The following MOB3B variants were observed in gnomAD, a reference collection of about 807,000 sequenced individuals.
MOB3B encodes MOB kinase activator-like 2B.
Under a neutral mutation model 18.7 loss-of-function variants are expected in MOB3B, and 7 were observed. The ratio of observed to expected loss-of-function variants is 0.37; its 90% confidence interval spans 0.21 to 0.70. The LOEUF (loss-of-function observed/expected upper bound fraction) is 0.70, where lower values mean the gene tolerates loss of function less well. Among genes scored for constraint, MOB3B ranks in the 30% least tolerant of loss-of-function variants. The pLI, the probability that MOB3B is intolerant of heterozygous loss-of-function variation, is 0.52. For missense variants in MOB3B, 253 were observed against 281.3 expected (o/e 0.90, Z 0.72); for synonymous variants, 111 against 99.9 (o/e 1.11, Z -0.66).
At chr9:27,470,867 T>A (rs1197517668) in intron 1 of MOB3B, among the ~76,000 whole-genome samples, 1 of 152,240 alleles carries the variant, frequency 6.6e-6, no homozygotes, top group Non-Finnish European at 1.5e-5. Flanking sequence ...AGTTCTATAC[T>A]CTTCCCCCAG....
intron 3 of MOB3B, among the ~76,000 whole-genome samples, chr9:27,356,778 C>T (rs1017695802): frequency 3.3e-5 from 5 of 151,958 alleles, no homozygotes; most frequent in Non-Finnish European, 5.9e-5. Context: ...TCTTCATTTA[C>T]GTGGCCCTTG....
intron 1 of MOB3B, among the ~76,000 whole-genome samples, chr9:27,516,669 C>T (rs1188661293): frequency 2.6e-5 from 4 of 152,220 alleles, no homozygotes; most frequent in Non-Finnish European, 4.4e-5. Flanking sequence ...TGACCATCCT[C>T]TCCAGTTTCC....
intron 1 of MOB3B, among the ~76,000 whole-genome samples, chr9:27,502,522 C>T (rs1820006052): frequency 6.6e-6 from 1 of 152,230 alleles, no homozygotes; most frequent in African/African-American, 2.4e-5. Flanking sequence ...AGCACAAAAA[C>T]ACCCATCAGC....
intron 1 of MOB3B, among the ~76,000 whole-genome samples, chr9:27,465,736 G>A (rs1819374099): frequency 6.6e-6 from 1 of 152,176 alleles, no homozygotes; most frequent in Non-Finnish European, 1.5e-5. Context: ...TGACTTCTGT[G>A]CACCCACAGG....
intron 2 of MOB3B, among the ~76,000 whole-genome samples, chr9:27,432,097 C>G (rs1030953651): frequency 6.6e-6 from 1 of 152,114 alleles, no homozygotes; most frequent in Admixed American, 6.5e-5. Flanking sequence ...ACTTGCACTG[C>G]TAAATAAAAG....
At chr9:27,517,839 G>A (rs1351993655) in intron 1 of MOB3B, among the ~76,000 whole-genome samples, 2 of 151,990 alleles carry the variant, frequency 1.3e-5, no homozygotes, top group East Asian at 1.9e-4. Flanking sequence ...ACAAGTAAGT[G>A]AGTATATAAA....
intron 1 of MOB3B, among the ~76,000 whole-genome samples, chr9:27,503,454 A>T (rs1209287053): frequency 6.6e-6 from 1 of 152,238 alleles, no homozygotes; most frequent in Admixed American, 6.5e-5. Flanking sequence ...TCCAGCCCCA[A>T]CTGGCTGCTG....
intron 2 of MOB3B, among the ~76,000 whole-genome samples, chr9:27,438,067 T>C (rs532604501): frequency 5.3e-5 from 8 of 152,324 alleles, no homozygotes; most frequent in Admixed American, 3.3e-4. Context: ...CACGAAGACA[T>C]TGTGGTACGA....
intron 1 of MOB3B, among the ~76,000 whole-genome samples, chr9:27,491,513 A>C (rs74911668): frequency 0.032 from 4,845 of 152,308 alleles, 105 homozygotes; most frequent in Middle Eastern, 0.065. Flanking sequence ...CAGAGATTAA[A>C]AAAAGACATA....
intron 2 of MOB3B, among the ~76,000 whole-genome samples, chr9:27,360,944 T>C (rs953084568): frequency 1.3e-5 from 2 of 152,086 alleles, no homozygotes; most frequent in African/African-American, 4.8e-5. Context: ...GGCAGCCACA[T>C]GCAGAGTTTA....
At chr9:27,468,738 T>C (rs367726251) in intron 1 of MOB3B, among the ~76,000 whole-genome samples, 1 of 152,222 alleles carries the variant, frequency 6.6e-6, no homozygotes, top group East Asian at 1.9e-4. Flanking sequence ...ATCTAAATGA[T>C]TGTTAATCAA....
At chr9:27,403,850 G>A (rs913427955) in intron 2 of MOB3B, among the ~76,000 whole-genome samples, 18 of 152,066 alleles carry the variant, frequency 1.2e-4, no homozygotes, top group Non-Finnish European at 2.4e-4. Flanking sequence ...GTGATATTCT[G>A]ATACAAGCAT....
intron 3 of MOB3B, among the ~76,000 whole-genome samples, chr9:27,357,886 T>TAAAAAA (rs1563849117): frequency 4.0e-5 from 1 of 25,292 alleles, no homozygotes; most frequent in Non-Finnish European, 7.2e-5. Context: ...ATCCCATCGC[T>TAAAAAA]ACAAAAAAAA....
chr9:27,452,918 CA>C (rs1478775052), intron 2 of MOB3B, among the ~76,000 whole-genome samples: 1 of 152,154 alleles, frequency 6.6e-6, no homozygotes, highest in Non-Finnish European at 1.5e-5. Flanking sequence ...TACAAAACTT[CA>C]GTTAGATAGA....
intron 2 of MOB3B, among the ~76,000 whole-genome samples, chr9:27,406,842 T>A (rs1296017012): frequency 1.3e-5 from 2 of 152,072 alleles, no homozygotes; most frequent in African/African-American, 2.4e-5. Flanking sequence ...GATTTCTTTT[T>A]TTCTTTTTTT....
chr9:27,343,616 T>G lies in MOB3B; in HGVS notation c.622-13000A>C, dbSNP rs796290723. 7.9e-4 allele frequency among the ~76,000 whole-genome samples: 120 copies of G among 151,430 alleles called. 2 individuals are homozygous for G. The highest frequency in any genetic ancestry group is 2.8e-3 in the African/African-American group (117 of 41,280). Reference sequence around the variant, plus strand: ...CAATATGAATTTTACATACAGGAAATGTACTTAATAAGGCAAAAGCATTTT... The same window carrying G: ...CAATATGAATTTTACATACAGGAAAGGTACTTAATAAGGCAAAAGCATTTT... On this transcript the variant is annotated intron_variant, in intron 3 of 3. Transcript: ENST00000262244.
intron 1 of MOB3B, chr9:27,526,046 C>T (rs1234367633): frequency 6.6e-6 from 1 of 152,046 alleles, no homozygotes; most frequent in Non-Finnish European, 1.5e-5. Context: ...GAGATTGTGG[C>T]TACGCAAATG....
At chr9:27,399,876 A>C (rs1821852269) in intron 2 of MOB3B, among the ~76,000 whole-genome samples, 1 of 151,700 alleles carries the variant, frequency 6.6e-6, no homozygotes, top group Admixed American at 6.6e-5. Flanking sequence ...ATCACTACTG[A>C]CTCCATTCCT....
chr9:27,484,929 T>G (rs571090199), intron 1 of MOB3B, among the ~76,000 whole-genome samples: 5 of 152,108 alleles, frequency 3.3e-5, no homozygotes, highest in South Asian at 2.1e-4. Flanking sequence ...CAGTGACCAT[T>G]ATACCTCAGT....
Sources: allele counts gnomAD v4.1 joint callset (sites outside exome capture counted in the v4.1 genomes callset), GRCh38; gene constraint gnomAD v4.1.1; transcripts MANE v1.5; gene names NCBI Gene and HGNC (gene_info 2026-07-23, HGNC 2026-07-21).